Variants in RABGAP1L observed in about 807,000 individuals in gnomAD.
The protein encoded by RABGAP1L is RAB GTPase activating protein 1 like.
RABGAP1L carries 63 observed loss-of-function variants against 137.7 expected under a neutral mutation model. The observed-to-expected ratio is 0.46, with a 90% CI of 0.37 to 0.56. The LOEUF is 0.56. RABGAP1L is among the 20% of genes least tolerant of loss of function. The pLI, the probability that RABGAP1L is intolerant of heterozygous loss-of-function variation, is 0.00. For synonymous variants in RABGAP1L, 431 were observed against 433.7 expected (o/e 0.99, Z 0.08); for missense variants, 1,095 against 1,244.0 (o/e 0.88, Z 1.80).
intron 13 of RABGAP1L, among the ~76,000 whole-genome samples, chr1:174,536,065 T>C (rs1358591668): frequency 1.3e-5 from 2 of 152,170 alleles, no homozygotes; most frequent in Non-Finnish European, 2.9e-5. Flanking sequence ...CTGTAGGAAA[T>C]CTTGTCCTTA....
chr1:174,451,198 C>A lies in RABGAP1L; in HGVS notation c.1710+57053C>A, dbSNP rs190146507. ...TTTAAATGTGCCTTTTAAATTCAGA[C>A]CAGTTCAAGGAAAACAAAGTTCAAG... On this transcript the variant is annotated intron_variant, in intron 13 of 25. Coordinates refer to ENST00000681986, the MANE Select transcript of RABGAP1L (RefSeq NM_001366446.1). Among the ~76,000 whole-genome samples, 135 of 152,190 alleles carry A rather than the reference C, an allele frequency of 8.9e-4. 2 individuals carry two copies. In the East Asian group the frequency reaches 0.025, roughly 28 times the overall value.
chr1:174,205,008 G>C (rs887646183), intron 1 of RABGAP1L, among the ~76,000 whole-genome samples: 1 of 152,184 alleles, frequency 6.6e-6, no homozygotes, highest in Non-Finnish European at 1.5e-5. Context: ...GTTCTTTATA[G>C]CAATGTGAGA....
At position 174,327,965 on chromosome 1, in the gene RABGAP1L, AT is replaced by A. The variant is rs1680601669; in HGVS notation, c.1465+22839del. Among the ~76,000 whole-genome samples the A allele has an allele frequency of 3.6e-4, 5 of 13,846 alleles. No homozygotes were observed. The Admixed American group carries it at 4.3e-3, about 12-fold the overall frequency. 9.1% of individuals were successfully genotyped at this position (13,846 alleles called of 152,430 possible). The stretch of plus-strand genomic sequence containing the variant: ...GGATATAACAGTTGTAAATATATAT[AT>A]ATATATATATATACACACACATATA... On this transcript the variant is annotated intron_variant, in intron 11 of 25. Coordinates refer to ENST00000681986, the MANE Select transcript of RABGAP1L (RefSeq NM_001366446.1).
At chr1:174,193,383 T>G (rs1667346241) in intron 1 of RABGAP1L, among the ~76,000 whole-genome samples, 1 of 152,058 alleles carries the variant, frequency 6.6e-6, no homozygotes, top group Non-Finnish European at 1.5e-5. Context: ...AATACAAAAA[T>G]TAGCTGGGCA....
intron 7 of RABGAP1L, among the ~76,000 whole-genome samples, chr1:174,269,376 T>TA (rs1174309583): frequency 6.6e-6 from 1 of 152,264 alleles, no homozygotes; most frequent in Non-Finnish European, 1.5e-5. Context: ...AGGGAGCTTA[T>TA]AGTCTTTTAC....
intron 12 of RABGAP1L, among the ~76,000 whole-genome samples, chr1:174,387,959 G>C (rs1396346215): frequency 6.6e-6 from 1 of 151,940 alleles, no homozygotes; most frequent in African/African-American, 2.4e-5. Flanking sequence ...AACTACAGAA[G>C]TATAAACTAC....
intron 13 of RABGAP1L, among the ~76,000 whole-genome samples, chr1:174,494,414 G>A (rs1660561210): frequency 6.6e-6 from 1 of 152,114 alleles, no homozygotes; most frequent in Non-Finnish European, 1.5e-5. Context: ...TGTTTTATTA[G>A]GGAAAAGTTT....
At chr1:174,416,505 T>G (rs1407740255) in intron 13 of RABGAP1L, among the ~76,000 whole-genome samples, 1 of 152,090 alleles carries the variant, frequency 6.6e-6, no homozygotes, top group African/African-American at 2.4e-5. Context: ...ATAAAAACAA[T>G]AATATTGGGT....
chr1:174,722,030 C>T (rs1681577450), intron 17 of RABGAP1L, among the ~76,000 whole-genome samples: 1 of 152,118 alleles, frequency 6.6e-6, no homozygotes, highest in Non-Finnish European at 1.5e-5. Flanking sequence ...ATCCCTGGTT[C>T]AAGCGATTCT....
At chr1:174,306,723 C>G (rs1377481823) in intron 11 of RABGAP1L, among the ~76,000 whole-genome samples, 2 of 151,884 alleles carry the variant, frequency 1.3e-5, no homozygotes, top group African/African-American at 4.8e-5. Context: ...AGTGGGGTAT[C>G]TGCTCTATTT....
At chr1:174,808,685 C>T (rs1689576436) in intron 18 of RABGAP1L, among the ~76,000 whole-genome samples, 4 of 150,390 alleles carry the variant, frequency 2.7e-5, no homozygotes. Flanking sequence ...CAGAGTTTCA[C>T]TCTTGTTGCC....
At chr1:174,904,040 C>T (rs900513512) in intron 19 of RABGAP1L, among the ~76,000 whole-genome samples, 1 of 152,010 alleles carries the variant, frequency 6.6e-6, no homozygotes, top group Non-Finnish European at 1.5e-5. Flanking sequence ...CTCCCCTCCC[C>T]CCACAGAAAA....
intron 13 of RABGAP1L, among the ~76,000 whole-genome samples, chr1:174,586,268 G>T (rs1486274893): frequency 6.6e-6 from 1 of 151,914 alleles, no homozygotes; most frequent in Non-Finnish European, 1.5e-5. Context: ...GCAAACTAAC[G>T]CAGGAACAGA....
intron 9 of RABGAP1L, 100 bp from the exon 10 acceptor site, chr1:174,278,513 A>G (rs1465834628): frequency 7.7e-6 from 7 of 913,990 alleles, no homozygotes; most frequent in Admixed American, 7.3e-5. Context: ...AGGTATTACA[A>G]TTGTAAAGAA....
At chr1:174,437,469 G>A (rs1030000954) in intron 13 of RABGAP1L, among the ~76,000 whole-genome samples, 1 of 152,182 alleles carries the variant, frequency 6.6e-6, no homozygotes, top group African/African-American at 2.4e-5. Context: ...AAGGGTATCA[G>A]CGATGGAAGA....
At chr1:174,755,986 A>G (rs1684720468) in intron 18 of RABGAP1L, among the ~76,000 whole-genome samples, 1 of 152,140 alleles carries the variant, frequency 6.6e-6, no homozygotes, top group Admixed American at 6.6e-5. Flanking sequence ...CAATTTCTCC[A>G]TTTTTTAAAT....
intron 19 of RABGAP1L, among the ~76,000 whole-genome samples, chr1:174,938,948 G>T (rs1665362544): frequency 6.6e-6 from 1 of 152,092 alleles, no homozygotes; most frequent in Non-Finnish European, 1.5e-5. Flanking sequence ...AAGAGCAATC[G>T]TTTATGTGTA....
intron 19 of RABGAP1L, among the ~76,000 whole-genome samples, chr1:174,903,979 A>G (rs1658590769): frequency 6.6e-6 from 1 of 150,748 alleles, no homozygotes; most frequent in Non-Finnish European, 1.5e-5. Flanking sequence ...AAAAATTCCT[A>G]GGGAGATTTC....
chr1:174,281,712 C>T (rs1468726986), intron 10 of RABGAP1L, among the ~76,000 whole-genome samples: 1 of 152,164 alleles, frequency 6.6e-6, no homozygotes, highest in East Asian at 1.9e-4. Flanking sequence ...GTTCAGAGTT[C>T]TTTTCTAAAT....
Sources: gnomAD v4.1 joint callset for allele counts (sites outside exome capture counted in the v4.1 genomes callset) on GRCh38, gnomAD v4.1.1 for gene constraint, MANE v1.5 for transcripts, NCBI Gene and HGNC (gene_info 2026-07-23, HGNC 2026-07-21) for gene names.